The following KAZN variants were observed in gnomAD, a reference collection of about 807,000 sequenced individuals.
The protein encoded by KAZN is kazrin.
KAZN carries 40 observed loss-of-function variants against 87.4 expected under a neutral mutation model. That is an observed-to-expected ratio of 0.46 (90% confidence interval 0.36 to 0.60). The LOEUF (loss-of-function observed/expected upper bound fraction) is 0.60. Among genes scored for constraint, KAZN ranks in the 20% least tolerant of loss-of-function variants. The probability of loss-of-function intolerance (pLI) is 0.00; values close to 1 mark genes in which losing one functional copy is unlikely to be tolerated. For missense variants in KAZN, 898 were observed against 1,073.9 expected, an observed-to-expected ratio of 0.84 and a Z score of 2.29; for synonymous variants, 466 against 458.3, an observed-to-expected ratio of 1.02 and a Z score of -0.22.
chr1:14,047,559 C>T (rs986329603), intron 1 of KAZN, among the ~76,000 whole-genome samples: 2 of 152,158 alleles, frequency 1.3e-5, no homozygotes, highest in African/African-American at 4.8e-5. Context: ...GCTTGCAGTA[C>T]TTCTGCTGCT....
intron 1 of KAZN, among the ~76,000 whole-genome samples, chr1:14,661,415 A>G (rs958343714): frequency 9.2e-5 from 14 of 152,130 alleles, no homozygotes; most frequent in Non-Finnish European, 1.8e-4. Context: ...TTTCTCCACA[A>G]TGGGCCAGAT....
chr1:14,205,718 AC>A (rs1646725347), intron 2 of KAZN, among the ~76,000 whole-genome samples: 2 of 151,790 alleles, frequency 1.3e-5, no homozygotes, highest in Non-Finnish European at 2.9e-5. Context: ...CCCCGTGTCT[AC>A]AAAAAATGCA....
At chr1:14,481,834 G>T (rs1669101876) in intron 2 of KAZN, among the ~76,000 whole-genome samples, 1 of 152,202 alleles carries the variant, frequency 6.6e-6, no homozygotes, top group Admixed American at 6.5e-5. Flanking sequence ...CCTTGGCCCT[G>T]CCTTCCTGAG....
At chr1:15,109,993 G>C (rs1017687352) in intron 13 of KAZN, among the ~76,000 whole-genome samples, 6 of 123,394 alleles carry the variant, frequency 4.9e-5, no homozygotes, top group African/African-American at 1.6e-4. Context: ...GTTTATGTGG[G>C]TATATGTGTG....
At chr1:14,341,604 C>T (rs767431074) in intron 2 of KAZN, among the ~76,000 whole-genome samples, 1 of 152,130 alleles carries the variant, frequency 6.6e-6, no homozygotes, top group Non-Finnish European at 1.5e-5. Flanking sequence ...ACCCTGGTTC[C>T]TATTCCCTCA....
At chr1:13,962,939 C>T (rs528170410) in intron 1 of KAZN, among the ~76,000 whole-genome samples, 8 of 152,162 alleles carry the variant, frequency 5.3e-5, no homozygotes, top group African/African-American at 9.6e-5. Flanking sequence ...ACAGCTTGCT[C>T]GAAGCCATGG....
chr1:14,175,293 C>A (rs925266825), intron 1 of KAZN, among the ~76,000 whole-genome samples: 3 of 152,154 alleles, frequency 2.0e-5, no homozygotes, highest in African/African-American at 7.2e-5. Context: ...TTAGTAGAGA[C>A]AGGGTTTCAC....
At chr1:14,379,378 CTTTG>C (rs1661180394) in intron 2 of KAZN, among the ~76,000 whole-genome samples, 1 of 152,044 alleles carries the variant, frequency 6.6e-6, no homozygotes, top group Non-Finnish European at 1.5e-5. Context: ...GTAAACAGGA[CTTTG>C]TTTTTCACCT....
chr1:14,376,557 C>T lies in KAZN; in HGVS notation c.249+195965C>T, dbSNP rs192616104. On this transcript the variant is annotated intron_variant, in intron 2 of 16. Coordinates refer to the KAZN transcript ENST00000636203. ...GCCAGCACTATGCTCTTCAACTTCC[C>T]GGGCTCCAGAACCATGAGCCAAATA... 3.1e-3 allele frequency among the ~76,000 whole-genome samples: 478 copies of T among 152,182 alleles called. 3 individuals are homozygous for T. Among genetic ancestry groups the T allele is most frequent in the African/African-American group, 9.3e-3 (387 of 41,520 alleles).
At chr1:14,697,140 C>CAAAA (rs1172632955) in intron 1 of KAZN, among the ~76,000 whole-genome samples, 5 of 67,752 alleles carry the variant, frequency 7.4e-5, no homozygotes, top group African/African-American at 2.0e-4. Flanking sequence ...AACAAACCAA[C>CAAAA]AAAAAAAAAA....
Position 14,656,563 on chromosome 1 carries a change from G to A in KAZN, c.226+57340G>A, listed in dbSNP as rs574038319. ...GACTGGGTCATTTCTAAAGAAAAGA[G>A]GTTTAATTGACTCACAGTTCTGCAG... On this transcript the variant is annotated intron_variant, in intron 1 of 14. Coordinates refer to ENST00000376030, the MANE Select transcript of KAZN (RefSeq NM_201628.3). Among the ~76,000 whole-genome samples the A allele has an allele frequency of 2.6e-5, 4 of 152,332 alleles. No homozygotes were observed. The South Asian group carries it at 8.3e-4, about 32-fold the overall frequency.
At chr1:15,042,257 C>G (rs1429220956) in intron 3 of KAZN, among the ~76,000 whole-genome samples, 1 of 152,238 alleles carries the variant, frequency 6.6e-6, no homozygotes, top group Non-Finnish European at 1.5e-5. Context: ...AGGGACAACC[C>G]TTACCCCAGT....
chr1:14,019,694 C>CT (rs1489574997), intron 1 of KAZN, among the ~76,000 whole-genome samples: 2 of 152,166 alleles, frequency 1.3e-5, no homozygotes, highest in African/African-American at 4.8e-5. Context: ...TAGGTCAACT[C>CT]TTTCCCTGCA....
At chr1:14,555,986 G>T (rs1673841499) in intron 2 of KAZN, among the ~76,000 whole-genome samples, 1 of 152,140 alleles carries the variant, frequency 6.6e-6, no homozygotes, top group African/African-American at 2.4e-5. Flanking sequence ...GCAATGGTGT[G>T]CTTGGTTTCC....
chr1:15,098,906 C>T (rs1212886596), intron 10 of KAZN, among the ~76,000 whole-genome samples: 1 of 152,246 alleles, frequency 6.6e-6, no homozygotes, highest in Non-Finnish European at 1.5e-5. Flanking sequence ...ACAGATAAGC[C>T]ACACCCCACC....
intron 1 of KAZN, among the ~76,000 whole-genome samples, chr1:14,866,142 C>G (rs1010082555): frequency 6.8e-6 from 1 of 147,194 alleles, no homozygotes; most frequent in Non-Finnish European, 1.5e-5. Context: ...CCCTTTGCAC[C>G]TGCTGTTCCC....
chr1:14,409,486 C>T (rs1664129992), intron 2 of KAZN, among the ~76,000 whole-genome samples: 1 of 152,168 alleles, frequency 6.6e-6, no homozygotes, highest in South Asian at 2.1e-4. Context: ...AAAATTCATA[C>T]CAAGAACTTG....
Position 15,066,159 on chromosome 1 carries a change from T to C in KAZN, c.1222+406T>C, listed in dbSNP as rs1423835391. ...CGTCGGTTTGTTTTTGTTTTTGTTT[T>C]TTTCCCCCTTTCTCCTCCCCTCCTC... On this transcript the variant is annotated intron_variant, in intron 8 of 14. Transcript: ENST00000376030. The surrounding 1 kb of genome is among the most constrained non-coding windows in gnomAD (Gnocchi z 4.3). 2.0e-6 allele frequency: 2 copies of C among 1,023,312 alleles called. No homozygotes were observed. The highest frequency in any genetic ancestry group is 3.4e-5 in the African/African-American group (2 of 58,790). 63.4% of individuals were successfully genotyped at this position (1,023,312 alleles called of 1,614,324 possible). A position where few individuals can be genotyped will look rare whatever the true frequency, so the allele number is the denominator to read the frequency against.
chr1:14,731,734 T>G (rs960242885), intron 1 of KAZN, among the ~76,000 whole-genome samples: 6 of 152,176 alleles, frequency 3.9e-5, no homozygotes, highest in Admixed American at 1.3e-4. Flanking sequence ...GCTGGGAGGA[T>G]GGAGAAGATG....
Sources: gnomAD v4.1 joint callset for allele counts (sites outside exome capture counted in the v4.1 genomes callset) on GRCh38, gnomAD v4.1.1 for gene constraint, Gnocchi (gnomAD v3.1) non-coding constraint, MANE v1.5 for transcripts, NCBI Gene and HGNC (gene_info 2026-07-23, HGNC 2026-07-21) for gene names.